Variants in SLC44A5 observed in about 807,000 individuals in gnomAD.
SLC44A5 encodes the protein solute carrier family 44 member 5, also known as choline transporter-like protein 5.
In SLC44A5, 57 loss-of-function variants were observed where a neutral mutation model predicts 101.8. The ratio of observed to expected loss-of-function variants is 0.56; its 90% confidence interval spans 0.45 to 0.70. The LOEUF (loss-of-function observed/expected upper bound fraction) is 0.70, where lower values mean the gene tolerates loss of function less well. Among genes scored for constraint, SLC44A5 ranks in the 30% least tolerant of loss-of-function variants. SLC44A5 has a pLI of 0.00. For synonymous variants in SLC44A5, 281 were observed against 290.9 expected (o/e 0.97, Z 0.35); for missense variants, 737 against 853.1 (o/e 0.86, Z 1.70).
Position 75,548,972 on chromosome 1 carries a change from A to G in SLC44A5, c.-69-7456T>C, listed in dbSNP as rs961015701. On this transcript the variant is annotated intron_variant, in intron 1 of 23. Transcript: ENST00000370859. Reference sequence around the variant, plus strand: ...TTTGTCAAGTCCAGTCTGGTTTCCCATATCTTCCATCTTTCCTATCCCAAA... The same window carrying G: ...TTTGTCAAGTCCAGTCTGGTTTCCCGTATCTTCCATCTTTCCTATCCCAAA... Among the ~76,000 whole-genome samples, 5 of 152,124 alleles carry G rather than the reference A, an allele frequency of 3.3e-5. No homozygotes were observed. The South Asian group carries it at 1.0e-3, about 32-fold the overall frequency.
chr1:75,650,186 T>C, the SLC44A5 span, among the ~76,000 whole-genome samples: 1 of 152,138 alleles, frequency 6.6e-6, no homozygotes, highest in Non-Finnish European at 1.5e-5. Context: ...TACCCATAGG[T>C]AATTTCTCCT....
intron 3 of SLC44A5, among the ~76,000 whole-genome samples, chr1:75,361,011 C>CA (rs1367449475): frequency 6.6e-6 from 1 of 152,052 alleles, no homozygotes; most frequent in Non-Finnish European, 1.5e-5. Flanking sequence ...TTTTGGTATA[C>CA]AAATATTTCC....
chr1:75,273,677 A>T (rs899356865), intron 6 of SLC44A5, among the ~76,000 whole-genome samples: 1 of 152,166 alleles, frequency 6.6e-6, no homozygotes, highest in African/African-American at 2.4e-5. Context: ...GATGTATCAC[A>T]TTTATTAACT....
At chr1:75,302,331 T>C (rs1250064810) in intron 4 of SLC44A5, among the ~76,000 whole-genome samples, 1 of 152,050 alleles carries the variant, frequency 6.6e-6, no homozygotes, top group African/African-American at 2.4e-5. Context: ...TGTGCTTTAA[T>C]TAGAAATCTT....
chr1:75,375,241 A>G (rs1660499400), intron 3 of SLC44A5, among the ~76,000 whole-genome samples: 1 of 152,230 alleles, frequency 6.6e-6, no homozygotes, highest in Non-Finnish European at 1.5e-5. Flanking sequence ...GATTAGACCA[A>G]GCTGAGGAAA....
intron 13 of SLC44A5, among the ~76,000 whole-genome samples, chr1:75,225,557 ATAGT>A (rs1415662418): frequency 3.3e-5 from 5 of 152,214 alleles, no homozygotes; most frequent in South Asian, 2.1e-4. Context: ...ACACGAATTC[ATAGT>A]TAGTTAATAG....
chr1:75,662,220 G>C, the SLC44A5 span, among the ~76,000 whole-genome samples: 2 of 151,992 alleles, frequency 1.3e-5, no homozygotes, highest in African/African-American at 4.8e-5. Flanking sequence ...TGAAGTGGGG[G>C]ACATTATGTT....
At chr1:75,240,565 T>G (rs1014701971) in intron 9 of SLC44A5, among the ~76,000 whole-genome samples, 1 of 152,064 alleles carries the variant, frequency 6.6e-6, no homozygotes, top group African/African-American at 2.4e-5. Context: ...GCATAAAAAT[T>G]TATAACATTG....
At chr1:75,403,021 C>G (rs1292474451) in intron 2 of SLC44A5, among the ~76,000 whole-genome samples, 1 of 152,102 alleles carries the variant, frequency 6.6e-6, no homozygotes, top group Non-Finnish European at 1.5e-5. Flanking sequence ...GAGGGACGTC[C>G]ACCATTACTG....
At chr1:75,252,468 A>G (rs1649659103) in intron 6 of SLC44A5, among the ~76,000 whole-genome samples, 1 of 152,138 alleles carries the variant, frequency 6.6e-6, no homozygotes. Flanking sequence ...TATTGTGGGG[A>G]GGGAGGTGGA....
chr1:75,253,457 A>C (rs1245787595), intron 6 of SLC44A5, among the ~76,000 whole-genome samples: 2 of 152,206 alleles, frequency 1.3e-5, no homozygotes, highest in African/African-American at 2.4e-5. Context: ...AACCCATTCT[A>C]TGTTTGTATT....
chr1:75,346,336 T>C (rs1658253191), intron 3 of SLC44A5, among the ~76,000 whole-genome samples: 1 of 152,164 alleles, frequency 6.6e-6, no homozygotes, highest in African/African-American at 2.4e-5. Flanking sequence ...TTAAGTAGTT[T>C]GCATCATCAT....
At chr1:75,240,452 T>C (rs1158148763) in intron 9 of SLC44A5, among the ~76,000 whole-genome samples, 1 of 152,150 alleles carries the variant, frequency 6.6e-6, no homozygotes, top group Non-Finnish European at 1.5e-5. Context: ...GTATACTTTA[T>C]CCTGTGTACT....
rs987925569 is a variant in SLC44A5, at chr1:75,590,573, C to T, written c.-70+20467G>A. Among the ~76,000 whole-genome samples, 6 of 152,212 alleles carry T rather than the reference C, an allele frequency of 3.9e-5. No individual in the cohort carries two copies. The East Asian group carries it at 5.9e-4, about 15-fold the overall frequency. ...CCCTGGGGCAGAGAGGAGCCCAGTG[C>T]CCTGAGGGGAGTCTAGTCTCAGGCT... On this transcript the variant is annotated intron_variant, in intron 1 of 23. Coordinates refer to ENST00000370859, the MANE Select transcript of SLC44A5 (RefSeq NM_001130058.2).
chr1:75,284,843 A>G (rs1352173220), intron 5 of SLC44A5, among the ~76,000 whole-genome samples: 1 of 152,088 alleles, frequency 6.6e-6, no homozygotes, highest in Non-Finnish European at 1.5e-5. Flanking sequence ...TCATCCCTGA[A>G]TCTCTGGTAT....
At chr1:75,299,834 C>A (rs1321284703) in intron 5 of SLC44A5, among the ~76,000 whole-genome samples, 4 of 142,168 alleles carry the variant, frequency 2.8e-5, no homozygotes, top group Non-Finnish European at 4.6e-5. Context: ...CATGGTGAAA[C>A]CTTGTCTCTA....
chr1:75,679,673 G>A, the SLC44A5 span, among the ~76,000 whole-genome samples: 8 of 152,076 alleles, frequency 5.3e-5, no homozygotes, highest in East Asian at 1.9e-4. Context: ...AAAATGTAAA[G>A]ACCATCGAGA....
At chr1:75,694,204 A>G in the SLC44A5 span, among the ~76,000 whole-genome samples, 1 of 151,988 alleles carries the variant, frequency 6.6e-6, no homozygotes, top group Non-Finnish European at 1.5e-5. Flanking sequence ...TGAGACATAT[A>G]AGTGGAAGAT....
chr1:75,546,556 A>G (rs1032053700), intron 1 of SLC44A5, among the ~76,000 whole-genome samples: 2 of 152,190 alleles, frequency 1.3e-5, no homozygotes, highest in South Asian at 4.1e-4. Flanking sequence ...CTATTTTTAA[A>G]TTTTAATCGC....
Sources: gnomAD v4.1 joint callset for allele counts (sites outside exome capture counted in the v4.1 genomes callset) on GRCh38, gnomAD v4.1.1 for gene constraint, MANE v1.5 for transcripts, NCBI Gene and HGNC (gene_info 2026-07-23, HGNC 2026-07-21) for gene names.